TP63: variants seen among roughly 807,000 people sequenced by gnomAD.
TP63 encodes the protein tumor protein p63.
Under a neutral mutation model 82.8 loss-of-function variants are expected in TP63, and 17 were observed. The ratio of observed to expected loss-of-function variants is 0.21; its 90% confidence interval spans 0.14 to 0.31. The LOEUF is 0.31. Ranked by LOEUF, TP63 falls within the 10% of genes least tolerant of loss-of-function variation. The pLI is 1.00. For synonymous variants in TP63, 330 were observed against 321.7 expected (o/e 1.03, Z -0.28); for missense variants, 648 against 895.3 (o/e 0.72, Z 3.52).
intron 1 of TP63, among the ~76,000 whole-genome samples, chr3:189,645,710 G>A (rs1279538437): frequency 6.9e-6 from 1 of 145,496 alleles, no homozygotes; most frequent in East Asian, 2.4e-4. Context: ...CTGTGTCCAT[G>A]TGTTCTCATT....
At chr3:189,653,434 C>G (rs946966460) in intron 1 of TP63, among the ~76,000 whole-genome samples, 2 of 152,142 alleles carry the variant, frequency 1.3e-5, no homozygotes, top group African/African-American at 4.8e-5. Flanking sequence ...CAATCAGATC[C>G]AGTGTTTATA....
chr3:189,627,417 CA>C (rs557321156), upstream of TP63, among the ~76,000 whole-genome samples: 2 of 151,606 alleles, frequency 1.3e-5, no homozygotes, highest in Non-Finnish European at 2.9e-5. Context: ...CATCAATGAG[CA>C]AAAAAAATCC....
At chr3:189,887,921 A>G (rs1386821651) in intron 11 of TP63, among the ~76,000 whole-genome samples, 1 of 151,078 alleles carries the variant, frequency 6.6e-6, no homozygotes, top group East Asian at 2.0e-4. Flanking sequence ...CAATGGCGCA[A>G]TCTCGGCTCA....
intron 3 of TP63, among the ~76,000 whole-genome samples, chr3:189,743,746 C>A (rs1341195810): frequency 6.6e-6 from 1 of 152,132 alleles, no homozygotes; most frequent in Non-Finnish European, 1.5e-5. Flanking sequence ...CGGAATTCAA[C>A]AGAGAAGTGA....
chr3:189,688,599 A>G (rs1387015587), intron 1 of TP63, among the ~76,000 whole-genome samples: 1 of 152,170 alleles, frequency 6.6e-6, no homozygotes, highest in African/African-American at 2.4e-5. Flanking sequence ...TTGCTAGTAA[A>G]GATGTGGCTA....
At chr3:189,813,800 T>TC (rs892618801) in intron 4 of TP63, among the ~76,000 whole-genome samples, 1 of 152,174 alleles carries the variant, frequency 6.6e-6, no homozygotes, top group African/African-American at 2.4e-5. Context: ...GAACTTTTTT[T>TC]CTCTCATAAT....
At chr3:189,891,778 C>A (rs1186666567) in intron 13 of TP63, among the ~76,000 whole-genome samples, 1 of 152,166 alleles carries the variant, frequency 6.6e-6, no homozygotes, top group African/African-American at 2.4e-5. Flanking sequence ...TCTTAGGCCG[C>A]GCTCTTCATG....
chr3:189,717,568 A>G (rs923418450), intron 1 of TP63, among the ~76,000 whole-genome samples: 1 of 152,166 alleles, frequency 6.6e-6, no homozygotes, highest in Non-Finnish European at 1.5e-5. Flanking sequence ...TAAAAATATG[A>G]CCTCACAAGC....
the TP63 span, among the ~76,000 whole-genome samples, chr3:189,610,705 T>A: frequency 2.0e-5 from 3 of 152,362 alleles, no homozygotes; most frequent in African/African-American, 7.2e-5. Context: ...TACTTCCACA[T>A]TTTCAGATAT....
intron 3 of TP63, among the ~76,000 whole-genome samples, chr3:189,771,530 G>A (rs991393531): frequency 2.7e-5 from 4 of 146,344 alleles, no homozygotes; most frequent in African/African-American, 1.0e-4. Flanking sequence ...AGCTATGTGT[G>A]GAGGATGAAA....
At chr3:189,667,412 G>T (rs1421811349) in intron 1 of TP63, among the ~76,000 whole-genome samples, 1 of 151,798 alleles carries the variant, frequency 6.6e-6, no homozygotes, top group Admixed American at 6.6e-5. Context: ...TGACCTCTTG[G>T]TCTACTCGCC....
chr3:189,682,450 A>T (rs1715997707), intron 1 of TP63, among the ~76,000 whole-genome samples: 2 of 149,972 alleles, frequency 1.3e-5, no homozygotes, highest in African/African-American at 4.9e-5. Context: ...TTATCCTGGA[A>T]AAAAATAGGA....
In TP63 at chr3:189,652,219, AGG is replaced by A. The variant is rs561453764; in HGVS notation, c.62+20647_62+20648del. Among the ~76,000 whole-genome samples, 4 of 146,852 alleles carry A rather than the reference AGG, an allele frequency of 2.7e-5. 1 individual carries two copies. The highest frequency in any genetic ancestry group is 3.0e-5 in the Non-Finnish European group (2 of 67,248). On this transcript the variant is annotated intron_variant, in intron 1 of 13. Coordinates refer to ENST00000264731, the MANE Select transcript of TP63 (RefSeq NM_003722.5). ...AACCCCAACCATGAAGGCAGCCAGG[AGG>A]GGGGCTGTACCCTGCAAAGCCACAA... is the stretch of plus-strand genomic sequence containing the variant.
intron 1 of TP63, among the ~76,000 whole-genome samples, chr3:189,725,546 C>T (rs1719712057): frequency 6.6e-6 from 1 of 151,972 alleles, no homozygotes; most frequent in Admixed American, 6.6e-5. Flanking sequence ...TATTTTACTA[C>T]CAAGAGTTGG....
At position 189,889,413 on chromosome 3, in the gene TP63, C is replaced by A. The variant is rs61752082; in HGVS notation, c.1581C>A (p.Pro527=). The A allele has an allele frequency of 3.1e-6, 5 of 1,614,142 alleles. No individual in the cohort carries two copies. The highest frequency in any genetic ancestry group is 3.3e-5 in the Admixed American group (2 of 60,032). The part of the protein sequence containing the change: ...NGLSPTQALP[P]PLSMPSTSHC... Reference sequence around the variant, plus strand: ...TCAGCCCCACCCAGGCACTCCCTCCCCCACTCTCCATGCCATCCACCTCCC... The same window carrying A: ...TCAGCCCCACCCAGGCACTCCCTCCACCACTCTCCATGCCATCCACCTCCC... The change falls in exon 12 of 14, where the codon CCC becomes CCA. Residue 527 remains proline, a synonymous_variant. Transcript: ENST00000264731.
At chr3:189,772,756 G>A (rs1279872397) in intron 3 of TP63, among the ~76,000 whole-genome samples, 4 of 152,152 alleles carry the variant, frequency 2.6e-5, no homozygotes, top group East Asian at 3.8e-4. Flanking sequence ...AGTCTTGCAC[G>A]AGTCTGCTGC....
In TP63 at chr3:189,800,224, TA is replaced by T. The variant is rs921941031; in HGVS notation, c.325-8041del. 1.6e-3 allele frequency among the ~76,000 whole-genome samples: 239 copies of T among 152,062 alleles called. 3 individuals are homozygous for T. Among genetic ancestry groups the T allele is most frequent in the East Asian group, 7.7e-4 (4 of 5,170 alleles). ...CTTGAAGACTGAAGGAGTTAGCCTT[TA>T]AAAAAATGAAGAAAGTTCTATTTGG... On this transcript the variant is annotated intron_variant, in intron 3 of 13. Coordinates refer to ENST00000264731, the MANE Select transcript of TP63 (RefSeq NM_003722.5).
chr3:189,840,383 T>TACAAA (rs1713882091), intron 4 of TP63, among the ~76,000 whole-genome samples: 2 of 135,150 alleles, frequency 1.5e-5, no homozygotes, highest in African/African-American at 5.7e-5. Flanking sequence ...TTTTTTTTTT[T>TACAAA]TTTTACAAAT....
chr3:189,685,816 G>C (rs1255404460), intron 1 of TP63, among the ~76,000 whole-genome samples: 2 of 152,172 alleles, frequency 1.3e-5, no homozygotes, highest in African/African-American at 2.4e-5. Context: ...ATGTGAATCA[G>C]AGGTAATATA....
Sources: gnomAD v4.1 joint callset for allele counts (sites outside exome capture counted in the v4.1 genomes callset) on GRCh38, gnomAD v4.1.1 for gene constraint, MANE v1.5 for transcripts, NCBI Gene and HGNC (gene_info 2026-07-23, HGNC 2026-07-21) for gene names.